SUCO: variants seen among roughly 807,000 people sequenced by gnomAD.
The protein encoded by SUCO is SUN domain containing ossification factor.
SUCO carries 57 observed loss-of-function variants against 148.1 expected under a neutral mutation model. That is an observed-to-expected ratio of 0.38 (90% CI 0.31 to 0.48). The LOEUF (loss-of-function observed/expected upper bound fraction) is 0.48, where lower values mean the gene tolerates loss of function less well. Among genes scored for constraint, SUCO ranks in the 20% least tolerant of loss-of-function variants. The pLI is 0.96. For synonymous variants in SUCO, 470 were observed against 502.7 expected, an observed-to-expected ratio of 0.93 and a Z score of 0.87; for missense variants, 1,331 against 1,468.2, an observed-to-expected ratio of 0.91 and a Z score of 1.53.
rs142923147 is a variant in SUCO at position 172,568,910 on chromosome 1, T to G, written c.733-109T>G. On this transcript the variant is annotated intron_variant, in intron 6 of 23. Transcript: ENST00000263688. ...TTTTATTTTTTCAAAATATAATCATTCATTATAAATTGGAACTTTAATTTG... is the reference window on the plus strand; with the variant it reads ...TTTTATTTTTTCAAAATATAATCATGCATTATAAATTGGAACTTTAATTTG... 198 of 1,050,824 alleles carry G rather than the reference T, an allele frequency of 1.9e-4. No homozygotes were observed. The East Asian group carries it at 5.6e-3, about 30-fold the overall frequency. 65.1% of individuals were successfully genotyped at this position (1,050,824 alleles called of 1,614,324 possible). A position where few individuals can be genotyped will look rare whatever the true frequency, so the allele number is the denominator to read the frequency against.
At chr1:172,599,071 T>C (rs1657317935) in intron 19 of SUCO, among the ~76,000 whole-genome samples, 1 of 152,256 alleles carries the variant, frequency 6.6e-6, no homozygotes, top group African/African-American at 2.4e-5. Flanking sequence ...TAGATTTCCT[T>C]GACTTCTTCC....
intron 8 of SUCO, 47 bp downstream of exon 8, chr1:172,570,218 T>G (rs1314788653): frequency 7.6e-6 from 9 of 1,176,818 alleles, no homozygotes; most frequent in Non-Finnish European, 1.1e-5. Flanking sequence ...AATTAACGAC[T>G]TTTTAAAATA....
chr1:172,589,175 A>C lies in SUCO; in HGVS notation c.2074A>C (p.Arg692=), dbSNP rs1656446821. The C allele has an allele frequency of 6.2e-7, 1 of 1,614,014 alleles. No individual in the cohort carries two copies. The highest frequency in any genetic ancestry group is 8.5e-7 in the Non-Finnish European group (1 of 1,179,928). The change falls in exon 18 of 24, where the codon AGG becomes CGG. Residue 692 remains arginine (R), a synonymous_variant. Coordinates refer to ENST00000263688, the MANE Select transcript of SUCO (RefSeq NM_014283.5). ...AGAATTGGAAAATACGAATATAGAAAGGGAAGCTGAAACTGTTGTTCTGGG... is the reference window on the plus strand; with the variant it reads ...AGAATTGGAAAATACGAATATAGAACGGGAAGCTGAAACTGTTGTTCTGGG... The part of the protein sequence containing the change: ...SGELENTNIE[R]EAETVVLGDL...
At chr1:172,580,468 A>G (rs1405477450) in intron 15 of SUCO, among the ~76,000 whole-genome samples, 3 of 152,148 alleles carry the variant, frequency 2.0e-5, no homozygotes, top group African/African-American at 4.8e-5. Flanking sequence ...ATTCACTGCT[A>G]TGTGATGTAT....
At chr1:172,588,599 A>G in intron 17 of SUCO, 161 bp from the exon 18 acceptor site, 6 of 984,672 alleles carry the variant, frequency 6.1e-6, no homozygotes, top group Non-Finnish European at 7.2e-6. Flanking sequence ...ATTTGTTTTT[A>G]TAATAAAAGT....
Position 172,566,386 on chromosome 1 carries a change from C to T in SUCO, c.733-2633C>T, listed in dbSNP as rs150955551. On this transcript the variant is annotated intron_variant, in intron 6 of 23. Transcript: ENST00000263688. Reference sequence around the variant, plus strand: ...TCTCTGCTGTTGCATCATCTTGCCTCTCCTCCAGTCACTGCCATCTCTGCT... The same window carrying T: ...TCTCTGCTGTTGCATCATCTTGCCTTTCCTCCAGTCACTGCCATCTCTGCT... 2.6e-5 allele frequency among the ~76,000 whole-genome samples: 4 copies of T among 152,344 alleles called. 1 individual carries two copies. The highest frequency in any genetic ancestry group is 9.6e-5 in the African/African-American group (4 of 41,582).
chr1:172,600,669 A>G (rs1454908222), intron 20 of SUCO, among the ~76,000 whole-genome samples: 10 of 150,446 alleles, frequency 6.6e-5, no homozygotes, highest in African/African-American at 2.5e-4. Context: ...AATTTCTCCT[A>G]GTGATACGTA....
At chr1:172,595,501 G>C (rs1461527604) in intron 19 of SUCO, among the ~76,000 whole-genome samples, 1 of 152,156 alleles carries the variant, frequency 6.6e-6, no homozygotes, top group Non-Finnish European at 1.5e-5. Context: ...ACGTTTGCTT[G>C]TCTGTAAAGC....
chr1:172,539,950 CTA>C (rs1406978515), intron 1 of SUCO, among the ~76,000 whole-genome samples: 3 of 152,260 alleles, frequency 2.0e-5, no homozygotes, highest in African/African-American at 7.2e-5. Context: ...AGGCATAAAA[CTA>C]TGTCAGAGCT....
intron 7 of SUCO, 65 bp downstream of exon 7, chr1:172,569,207 C>A: frequency 7.9e-7 from 1 of 1,271,612 alleles, no homozygotes; most frequent in Non-Finnish European, 1.0e-6. Context: ...AATATGCTTT[C>A]TTTTTTTGAT....
rs370852225 is a variant in SUCO at position 172,568,993 on chromosome 1, T to G, written c.733-26T>G. The G allele has an allele frequency of 3.9e-6, 6 of 1,544,840 alleles. No individual in the cohort carries two copies. The African/African-American group carries it at 4.3e-5, about 11-fold the overall frequency. The stretch of plus-strand genomic sequence containing the variant: ...TTTGTATTATTTGAAAGTTGAAGTC[T>G]TCTTACTTTTTGGTGTTTCTTTCAG... On this transcript the variant is annotated intron_variant, in intron 6 of 23. Coordinates refer to ENST00000263688, the MANE Select transcript of SUCO (RefSeq NM_014283.5).
intron 1 of SUCO, among the ~76,000 whole-genome samples, chr1:172,550,645 C>G (rs942410481): frequency 1.4e-4 from 22 of 151,778 alleles, no homozygotes; most frequent in African/African-American, 5.3e-4. Context: ...ACATTCTTGT[C>G]TTATTTCAGA....
intron 10 of SUCO, 102 bp downstream of exon 10, chr1:172,574,100 A>C: frequency 1.5e-6 from 1 of 674,238 alleles, no homozygotes; most frequent in Non-Finnish European, 2.6e-6. Context: ...CAGTCCATTT[A>C]TTTTTTAAAG....
At chr1:172,566,012 A>G (rs1654528636) in intron 6 of SUCO, among the ~76,000 whole-genome samples, 1 of 152,188 alleles carries the variant, frequency 6.6e-6, no homozygotes, top group South Asian at 2.1e-4. Flanking sequence ...TCCCTCATCT[A>G]GAGTGGGCTC....
intron 14 of SUCO, chr1:172,578,613 G>A: frequency 1.2e-6 from 1 of 856,438 alleles, no homozygotes; most frequent in Non-Finnish European, 1.4e-6. Flanking sequence ...ATTTGTAACT[G>A]AAACTCCCTT....
At position 172,602,088 on chromosome 1, in the gene SUCO, G is replaced by A. The variant is rs1657569594; in HGVS notation, c.3043G>A (p.Val1015Ile). The change falls in exon 21 of 24, where the codon GTC becomes ATC. Residue 1015 changes from valine (V) to isoleucine (I), a missense_variant. By Grantham distance (29) the Val-to-Ile change is conservative. Coordinates refer to ENST00000263688, the MANE Select transcript of SUCO (RefSeq NM_014283.5). ...GGTTTCAGATCGACAAAGCTATCTT[G>A]TCATATCTTTGGTTCTTTGTGTTGT... ...REVSDRQSYLVISLVLCVVLG... is the reference protein window; with the variant it reads ...REVSDRQSYLIISLVLCVVLG... The A allele has an allele frequency of 1.9e-6, 3 of 1,611,020 alleles. No homozygotes were observed. The highest frequency in any genetic ancestry group is 2.2e-5 in the South Asian group (2 of 90,320).
chr1:172,557,351 A>T lies in SUCO; in HGVS notation c.515A>T (p.Asp172Val). 3 of 1,614,044 alleles carry T rather than the reference A, an allele frequency of 1.9e-6. No homozygotes were observed. The highest frequency in any genetic ancestry group is 2.5e-6 in the Non-Finnish European group (3 of 1,179,914). ...ACTGAGCAGTCTGAAACTGATTGTG[A>T]TGTTGGTGAGGCCCTTGATGCTAGT... is the stretch of plus-strand genomic sequence containing the variant. The part of the protein sequence containing the change: ...SETEQSETDC[D>V]VGEALDASAP... Residue 172 changes from aspartate (D) to valine (V), a missense_variant, in exon 5 of 24, where the codon GAT (aspartate) becomes GTT (valine). By Grantham distance (152) the Asp-to-Val change is radical (BLOSUM62 -3). Transcript: ENST00000263688.
At chr1:172,609,425 G>C (rs1558219309) in intron 23 of SUCO, 1 of 924,686 alleles carries the variant, frequency 1.1e-6, no homozygotes, top group Non-Finnish European at 1.3e-6. Flanking sequence ...CTTGGGCAAA[G>C]AACCAAACAT....
chr1:172,556,653 G>A (rs1176935117), intron 4 of SUCO: 2 of 984,840 alleles, frequency 2.0e-6, no homozygotes, highest in African/African-American at 3.5e-5. Flanking sequence ...AAGGGCCTGG[G>A]TTGAAGGAGT....
Sources: gnomAD v4.1 joint callset for allele counts (sites outside exome capture counted in the v4.1 genomes callset) on GRCh38, gnomAD v4.1.1 for gene constraint, MANE v1.5 for transcripts, NCBI Gene and HGNC (gene_info 2026-07-23, HGNC 2026-07-21) for gene names.